The following FHAD1 variants were observed in gnomAD, a reference collection of about 807,000 sequenced individuals.
FHAD1 encodes forkhead associated phosphopeptide binding domain 1, also known as forkhead-associated domain-containing protein 1.
Under a neutral mutation model 191.3 loss-of-function variants are expected in FHAD1, and 146 were observed. The observed-to-expected ratio is 0.76, with a 90% CI of 0.67 to 0.88. The LOEUF is 0.88. Ranked by LOEUF, FHAD1 falls within the 40% of genes least tolerant of loss-of-function variation. The pLI, the probability that FHAD1 is intolerant of heterozygous loss-of-function variation, is 0.00. For synonymous variants in FHAD1, 616 were observed against 672.3 expected, an observed-to-expected ratio of 0.92 and a Z score of 1.29; for missense variants, 1,635 against 1,785.8, an observed-to-expected ratio of 0.92 and a Z score of 1.52.
rs555173380 is a variant in FHAD1, at chr1:15,388,096, C to A, written c.4234C>A (p.Pro1412Thr). 10 of 1,289,896 alleles carry A rather than the reference C, an allele frequency of 7.8e-6. No individual in the cohort carries two copies. In the East Asian group the frequency reaches 5.6e-4, roughly 72 times the overall value. The allele number at this position is 1,289,896 out of a possible 1,614,324, so 79.9% of individuals were successfully genotyped here. ...HELRNAKEST[P>T]CNCAFKEKDR... ...ACTGAGAAACGCAAAAGAATCGACACCTTGCAACTGTGCCTTCAAAGAGAA... is the reference window on the plus strand; with the variant it reads ...ACTGAGAAACGCAAAAGAATCGACAACTTGCAACTGTGCCTTCAAAGAGAA... Residue 1412 changes from proline to threonine, a missense_variant, in exon 32 of 34, where the codon CCT (proline) becomes ACT (threonine). Coordinates refer to ENST00000688493, the MANE Select transcript of FHAD1 (RefSeq NM_001391957.1).
At chr1:15,244,699 G>C (rs955725669), upstream of FHAD1, among the ~76,000 whole-genome samples, 1 of 152,126 alleles carries the variant, frequency 6.6e-6, no homozygotes, top group Admixed American at 6.5e-5. The surrounding 1 kb of genome is among the most constrained non-coding windows in gnomAD (Gnocchi z 5.1). Flanking sequence ...TGGCACAGCA[G>C]CAAACAAAAC....
intron 2 of FHAD1, among the ~76,000 whole-genome samples, chr1:15,254,159 A>G (rs1263682551): frequency 1.3e-5 from 2 of 152,234 alleles, no homozygotes; most frequent in Non-Finnish European, 2.9e-5. Context: ...TATCATAACA[A>G]GGGGTAGATT....
intron 33 of FHAD1, among the ~76,000 whole-genome samples, chr1:15,394,508 T>TA (rs1705276336): frequency 6.6e-6 from 1 of 152,194 alleles, no homozygotes; most frequent in African/African-American, 2.4e-5. Flanking sequence ...GGGACTGACT[T>TA]ACCCTTTCTT....
intron 2 of FHAD1, among the ~76,000 whole-genome samples, chr1:15,260,191 A>C (rs1424639765): frequency 6.6e-6 from 1 of 152,144 alleles, no homozygotes; most frequent in Non-Finnish European, 1.5e-5. Context: ...ACTCGGTGCT[A>C]GGCCTCTTGC....
intron 23 of FHAD1, among the ~76,000 whole-genome samples, chr1:15,365,190 C>T (rs1051038497): frequency 1.3e-5 from 2 of 152,182 alleles, no homozygotes. Flanking sequence ...AATAGTCTTC[C>T]CATGTCCCTC....
At chr1:15,301,036 G>A (rs1282005896) in intron 5 of FHAD1, among the ~76,000 whole-genome samples, 169 bp from the exon 6 acceptor site, 3 of 151,930 alleles carry the variant, frequency 2.0e-5, no homozygotes, top group Non-Finnish European at 2.9e-5. Flanking sequence ...CACCATGTTG[G>A]CCAGGCTGGT....
chr1:15,373,657 A>G (rs570137436), intron 26 of FHAD1, among the ~76,000 whole-genome samples: 1 of 152,350 alleles, frequency 6.6e-6, no homozygotes, highest in South Asian at 2.1e-4. Flanking sequence ...GTTTGAGACC[A>G]GCGTGGGCAA....
chr1:15,381,749 G>T lies in FHAD1; in HGVS notation c.4023-279G>T, dbSNP rs1340515849. 6.6e-6 allele frequency among the ~76,000 whole-genome samples: 1 copy of T among 151,964 alleles called. No homozygotes were observed. Among genetic ancestry groups the T allele is most frequent in the Non-Finnish European group, 1.5e-5 (1 of 68,028 alleles). ...GTTTCCCAGTTGTGTAGCATTGACA[G>T]CTCCGTCATATTTTCAAGAGTCGCA... On this transcript the variant is annotated intron_variant, in intron 30 of 33. Coordinates refer to ENST00000688493, the MANE Select transcript of FHAD1 (RefSeq NM_001391957.1). This position sits in a 1 kb window ranked among gnomAD's most constrained non-coding sequence, Gnocchi z 4.6.
rs1177895957 is a variant in FHAD1, at chr1:15,276,040, T to C, written c.300+3511T>C. Among the ~76,000 whole-genome samples the C allele has an allele frequency of 2.6e-5, 4 of 152,332 alleles. No homozygotes were observed. Among genetic ancestry groups the C allele is most frequent in the Admixed American group, 1.3e-4 (2 of 15,306 alleles). The stretch of plus-strand genomic sequence containing the variant: ...GAAGTTAGAGACCCAAATGTGTTTG[T>C]AGACATCACAGTGGCTAGCGTGGGT... On this transcript the variant is annotated intron_variant, in intron 3 of 33. Coordinates refer to ENST00000688493, the MANE Select transcript of FHAD1 (RefSeq NM_001391957.1). This position sits in a 1 kb window ranked among gnomAD's most constrained non-coding sequence, Gnocchi z 4.7.
intron 3 of FHAD1, among the ~76,000 whole-genome samples, chr1:15,277,584 T>A (rs1354459040): frequency 6.6e-6 from 1 of 152,138 alleles, no homozygotes; most frequent in East Asian, 1.9e-4. Flanking sequence ...TGGGAGTCTT[T>A]CCCAACAGCC....
At chr1:15,251,944 T>G (rs1646826901) in intron 2 of FHAD1, 67 bp downstream of exon 2, 6 of 1,333,750 alleles carry the variant, frequency 4.5e-6, no homozygotes, top group African/African-American at 1.5e-5. Flanking sequence ...CTAACAGTCC[T>G]TAGCGTTATG....
At chr1:15,324,833 A>G (rs1677720127) in intron 11 of FHAD1, 2 of 480,014 alleles carry the variant, frequency 4.2e-6, no homozygotes, top group East Asian at 7.1e-5. Flanking sequence ...GCCTGCCCCC[A>G]GTTAACCGAG....
intron 32 of FHAD1, among the ~76,000 whole-genome samples, chr1:15,389,641 C>A (rs933521538): frequency 3.3e-5 from 5 of 152,062 alleles, no homozygotes; most frequent in African/African-American, 1.2e-4. Flanking sequence ...GGCCACGATT[C>A]TTCGCAGACT....
At chr1:15,236,814 A>G (rs1178885603) in intron 1 of FHAD1, among the ~76,000 whole-genome samples, 1 of 152,156 alleles carries the variant, frequency 6.6e-6, no homozygotes, top group Non-Finnish European at 1.5e-5. Context: ...GGGCTCTGAT[A>G]TGGTTTGGCT....
intron 33 of FHAD1, among the ~76,000 whole-genome samples, chr1:15,396,941 T>A (rs1347726445): frequency 1.3e-5 from 2 of 151,114 alleles, no homozygotes; most frequent in Non-Finnish European, 2.9e-5. Flanking sequence ...TCTCAGCACT[T>A]TGGGAGGCCA....
chr1:15,338,531 A>T (rs544926538), intron 14 of FHAD1, among the ~76,000 whole-genome samples: 1 of 152,144 alleles, frequency 6.6e-6, no homozygotes, highest in East Asian at 1.9e-4. Context: ...TCCTTAACTT[A>T]ATCGTATTTG....
chr1:15,362,622 C>A lies in FHAD1; in HGVS notation c.2963-20C>A. The A allele has an allele frequency of 6.5e-7, 1 of 1,541,752 alleles. No individual in the cohort carries two copies. The highest frequency in any genetic ancestry group is 8.8e-7 in the Non-Finnish European group (1 of 1,137,864). ...AAGGACAGTTTCCTCTCACAATGAT[C>A]ACATGTCCCTCTGATACAGCCCCAA... On this transcript the variant is annotated intron_variant, in intron 22 of 33. Coordinates refer to ENST00000688493, the MANE Select transcript of FHAD1 (RefSeq NM_001391957.1).
intron 3 of FHAD1, among the ~76,000 whole-genome samples, chr1:15,281,760 C>CAAAAAAA (rs35950054): frequency 5.3e-4 from 34 of 64,422 alleles, no homozygotes; most frequent in Non-Finnish European, 9.4e-4. Flanking sequence ...GACACTGTCT[C>CAAAAAAA]AAAAAAAAAA....
At position 15,272,255 on chromosome 1, in the gene FHAD1, G is replaced by A. The variant is rs1656384311; in HGVS notation, c.94-68G>A. 5 of 1,434,194 alleles carry A rather than the reference G, an allele frequency of 3.5e-6. No individual in the cohort carries two copies. The South Asian group carries it at 5.1e-5, about 15-fold the overall frequency. The allele number at this position is 1,434,194 out of a possible 1,614,324, so 88.8% of individuals were successfully genotyped here. ...GGCGGCAAAACAGGTAAGGCACTCA[G>A]CTCAAAACATTAGGGGCCGTGTCAT... On this transcript the variant is annotated intron_variant, in intron 2 of 33. Transcript: ENST00000688493.
Sources: allele counts gnomAD v4.1 joint callset (sites outside exome capture counted in the v4.1 genomes callset), GRCh38; gene constraint gnomAD v4.1.1; non-coding constraint Gnocchi (gnomAD v3.1); transcripts MANE v1.5; gene names NCBI Gene and HGNC (gene_info 2026-07-23, HGNC 2026-07-21).